Variants in AMN observed in about 807,000 individuals in gnomAD.
AMN encodes the protein protein amnionless.
AMN carries 40 observed loss-of-function variants against 49.1 expected under a neutral mutation model. The observed-to-expected ratio is 0.81, with a 90% CI of 0.63 to 1.06. The LOEUF (loss-of-function observed/expected upper bound fraction) is 1.06. Among genes scored for constraint, AMN ranks in the 50% least tolerant of loss-of-function variants. The pLI, the probability that AMN is intolerant of heterozygous loss-of-function variation, is 0.00. For synonymous variants in AMN, 380 were observed against 313.3 expected, an observed-to-expected ratio of 1.21 and a Z score of -2.25; for missense variants, 701 against 662.8, an observed-to-expected ratio of 1.06 and a Z score of -0.63.
chr14:102,928,668 A>C, intron 4 of AMN, 90 bp from the exon 5 acceptor site: 2 of 1,516,562 alleles, frequency 1.3e-6, no homozygotes, highest in Non-Finnish European at 1.8e-6. Flanking sequence ...GGGGCTTGGG[A>C]GGTCGTGCTC....
intron 3 of AMN, 83 bp downstream of exon 3, chr14:102,924,062 C>CCTTACCATGCA (rs1278680806): frequency 6.9e-6 from 11 of 1,583,068 alleles, no homozygotes; most frequent in Admixed American, 6.7e-5. Context: ...GCCTTGAGGG[C>CCTTACCATGCA]GGACCCCACC....
chr14:102,926,035 T>C (rs1422583546), intron 3 of AMN, among the ~76,000 whole-genome samples: 1 of 152,220 alleles, frequency 6.6e-6, no homozygotes, highest in Non-Finnish European at 1.5e-5. Flanking sequence ...GCCTGCTTTC[T>C]TGTTGGGGGA....
At chr14:102,922,931 G>A (rs756319589) in intron 1 of AMN, 200 bp downstream of exon 1, 11 of 739,204 alleles carry the variant, frequency 1.5e-5, no homozygotes, top group Non-Finnish European at 2.3e-5. Flanking sequence ...CAGTGCATCG[G>A]GCGGTGCGGG....
rs1046195740 is a variant in AMN, at chr14:102,930,811, G to A, written c.*131G>A. Reference sequence around the variant, plus strand: ...CCCCTCCTCCGGGGGCCAAGGACAGGGTGGCCTTACTCAGTAAAGGTGTTT... The same window carrying A: ...CCCCTCCTCCGGGGGCCAAGGACAGAGTGGCCTTACTCAGTAAAGGTGTTT... On this transcript the variant is annotated 3_prime_UTR_variant, in exon 12 of 12. Transcript: ENST00000299155. 3 of 1,080,210 alleles carry A rather than the reference G, an allele frequency of 2.8e-6. No individual in the cohort carries two copies. The highest frequency in any genetic ancestry group is 4.1e-6 in the Non-Finnish European group (3 of 734,462). 66.9% of individuals were successfully genotyped at this position (1,080,210 alleles called of 1,614,324 possible).
At chr14:102,923,098 C>T (rs976238582) in intron 1 of AMN, 6 of 281,444 alleles carry the variant, frequency 2.1e-5, no homozygotes, top group South Asian at 8.2e-5. Flanking sequence ...CTCAGCTTCC[C>T]GGTCCCCAAG....
Position 102,929,735 on chromosome 14 carries a change from C to T in AMN, c.841C>T (p.Leu281=), listed in dbSNP as rs569327877. The change falls in exon 8 of 12, where the codon CTG becomes TTG. Residue 281 remains leucine (L), a splice_region_variant and synonymous_variant. Coordinates refer to ENST00000299155, the MANE Select transcript of AMN (RefSeq NM_030943.4). Reference sequence around the variant, plus strand: ...GCGGATACTGGACACCTTCCTGGGTCTGGTAATGGGGCCGCGCGGGCAGCT... The same window carrying T: ...GCGGATACTGGACACCTTCCTGGGTTTGGTAATGGGGCCGCGCGGGCAGCT... ...RARILDTFLG[L]PQYHGLQVAV... is the part of the protein sequence containing the mutation. 4.6e-5 allele frequency: 71 copies of T among 1,550,240 alleles called. No individual in the cohort carries two copies. In the East Asian group the frequency reaches 1.7e-3, roughly 37 times the overall value.
rs1365878073 is a variant in AMN at position 102,930,683 on chromosome 14, G to T, written c.*3G>T. The T allele has an allele frequency of 1.3e-6, 2 of 1,577,464 alleles. No individual in the cohort carries two copies. The highest frequency in any genetic ancestry group is 1.7e-6 in the Non-Finnish European group (2 of 1,163,102). On this transcript the variant is annotated 3_prime_UTR_variant, in exon 12 of 12. Transcript: ENST00000299155. Reference sequence around the variant, plus strand: ...CCGGGGCCGAGGCCGAGGCCTGAGCGGCCGCCTGACCGTCGACCTTGGGGC... The same window carrying T: ...CCGGGGCCGAGGCCGAGGCCTGAGCTGCCGCCTGACCGTCGACCTTGGGGC...
In AMN at chr14:102,929,638, C is replaced by A; in HGVS notation, c.761-17C>A. ...GGGCCCGGATCCACGGCGCTGACCC[C>A]TGCCCTCCCGCCGCAGGAGCCGTTG... On this transcript the variant is annotated splice_polypyrimidine_tract_variant and intron_variant, in intron 7 of 11. Coordinates refer to ENST00000299155, the MANE Select transcript of AMN (RefSeq NM_030943.4). The A allele has an allele frequency of 6.5e-7, 1 of 1,548,760 alleles. No individual in the cohort carries two copies. The highest frequency in any genetic ancestry group is 1.2e-5 in the South Asian group (1 of 83,982).
chr14:102,929,044 C>CTGAG, intron 5 of AMN, 69 bp downstream of exon 5: 1 of 1,596,210 alleles, frequency 6.3e-7, no homozygotes, highest in Non-Finnish European at 8.5e-7. Flanking sequence ...CCCTCCTGGT[C>CTGAG]TGCACACGTT....
chr14:102,925,156 C>G (rs1486159179), intron 3 of AMN, among the ~76,000 whole-genome samples: 1 of 152,226 alleles, frequency 6.6e-6, no homozygotes, highest in Non-Finnish European at 1.5e-5. Context: ...ATCCTGTCAC[C>G]TGCACACCTG....
chr14:102,923,435 G>A (rs1157553693), intron 1 of AMN: 7 of 475,630 alleles, frequency 1.5e-5, no homozygotes, highest in Admixed American at 3.4e-5. Flanking sequence ...AGGCAAACTG[G>A]GGGCAGTGCC....
In AMN at chr14:102,929,439, G is replaced by T; in HGVS notation, c.663G>T (p.Trp221Cys). ...GCCCCTCGCACCAGGCGCAGCCGTG[G>T]ATCTGCGCGGCCCTGCTCCAGCCCC... ...CVCGNAEAQP[W>C]ICAALLQPLG... Residue 221 changes from tryptophan to cysteine, a missense_variant, in exon 7 of 12, where the codon TGG becomes TGT. Trp to Cys is a radical substitution (Grantham distance 215). Coordinates refer to ENST00000299155, the MANE Select transcript of AMN (RefSeq NM_030943.4). The T allele has an allele frequency of 6.5e-7, 1 of 1,531,084 alleles. No homozygotes were observed. Among genetic ancestry groups the T allele is most frequent in the Non-Finnish European group, 8.7e-7 (1 of 1,145,402 alleles). 94.8% of individuals were successfully genotyped at this position (1,531,084 alleles called of 1,614,324 possible).
intron 3 of AMN, among the ~76,000 whole-genome samples, chr14:102,925,737 T>C (rs955559623): frequency 1.3e-5 from 2 of 152,200 alleles, no homozygotes; most frequent in Non-Finnish European, 2.9e-5. Context: ...AATTCATTCA[T>C]TGATCATCCA....
At chr14:102,922,957 C>T (rs116464826) in intron 1 of AMN, 8 of 582,336 alleles carry the variant, frequency 1.4e-5, no homozygotes, top group African/African-American at 3.9e-5. Context: ...AGAGGAGGGG[C>T]TCCGGGAACC....
intron 3 of AMN, among the ~76,000 whole-genome samples, chr14:102,925,180 T>G (rs1891157880): frequency 6.6e-6 from 1 of 152,172 alleles, no homozygotes; most frequent in Non-Finnish European, 1.5e-5. Context: ...GCTCAGTCAC[T>G]CCTGAGTGAG....
intron 4 of AMN, 62 bp from the exon 5 acceptor site, chr14:102,928,696 T>C: frequency 6.4e-7 from 1 of 1,556,228 alleles, no homozygotes; most frequent in East Asian, 2.3e-5. Flanking sequence ...TGGCGTGGCG[T>C]GGCGTGGCGT....
intron 3 of AMN, among the ~76,000 whole-genome samples, chr14:102,925,497 C>T (rs1487048016): frequency 1.3e-5 from 2 of 152,210 alleles, no homozygotes; most frequent in Non-Finnish European, 2.9e-5. Context: ...CCCCTTGTGG[C>T]CCGGCCCCCA....
intron 5 of AMN, 70 bp from the exon 6 acceptor site, chr14:102,929,051 C>G (rs933777658): frequency 1.3e-5 from 20 of 1,596,816 alleles, no homozygotes; most frequent in South Asian, 2.2e-5. Flanking sequence ...GGTCTGCACA[C>G]GTTGGGTCTG....
chr14:102,924,279 C>T (rs933415944), intron 3 of AMN, among the ~76,000 whole-genome samples: 2 of 152,158 alleles, frequency 1.3e-5, no homozygotes, highest in Non-Finnish European at 2.9e-5. Context: ...ATGCCCTTCC[C>T]CCAAAGCCTT....
Sources: gnomAD v4.1 joint callset for allele counts (sites outside exome capture counted in the v4.1 genomes callset) on GRCh38, gnomAD v4.1.1 for gene constraint, MANE v1.5 for transcripts, NCBI Gene and HGNC (gene_info 2026-07-23, HGNC 2026-07-21) for gene names.